Variants in FBXO47 observed in about 807,000 individuals in gnomAD.
FBXO47 encodes F-box only protein 47.
FBXO47 carries 34 observed loss-of-function variants against 53.9 expected under a neutral mutation model. The ratio of observed to expected loss-of-function variants is 0.63; its 90% CI spans 0.48 to 0.84. The LOEUF (loss-of-function observed/expected upper bound fraction) is 0.84, where lower values mean the gene tolerates loss of function less well. Ranked by LOEUF, FBXO47 falls within the 40% of genes least tolerant of loss-of-function variation. FBXO47 has a pLI of 0.00. For missense variants in FBXO47, 485 were observed against 541.3 expected (o/e 0.90, Z 1.03); for synonymous variants, 165 against 181.6 (o/e 0.91, Z 0.73).
At chr17:38,953,732 A>G (rs984188232) in intron 5 of FBXO47, among the ~76,000 whole-genome samples, 1 of 152,226 alleles carries the variant, frequency 6.6e-6, no homozygotes, top group Non-Finnish European at 1.5e-5. Context: ...TCAGTGGACA[A>G]GGAGAGAGAC....
intron 6 of FBXO47, among the ~76,000 whole-genome samples, chr17:38,950,149 C>G (rs545655949): frequency 2.0e-5 from 3 of 152,140 alleles, no homozygotes; most frequent in Admixed American, 2.0e-4. Flanking sequence ...AACACAAACT[C>G]TGTAACCATT....
chr17:38,965,882 CAA>C (rs35075482), intron 1 of FBXO47, among the ~76,000 whole-genome samples: 9 of 99,566 alleles, frequency 9.0e-5, no homozygotes, highest in Admixed American at 1.1e-4. Context: ...GAATCTGCCT[CAA>C]AAAAAAAAAA....
Position 38,961,864 on chromosome 17 carries a change from T to C in FBXO47, c.352+13A>G, listed in dbSNP as rs1905827714. On this transcript the variant is annotated intron_variant, in intron 3 of 10. Coordinates refer to ENST00000378079, the MANE Select transcript of FBXO47 (RefSeq NM_001008777.3). ...AGTTCTTTACTTGTTGCAATTCTCA[T>C]TACATAAGTTACCTAGAGATCTGTA... 1 of 1,604,220 alleles carries C rather than the reference T, an allele frequency of 6.2e-7. No individual in the cohort carries two copies. Among genetic ancestry groups the C allele is most frequent in the Non-Finnish European group, 8.5e-7 (1 of 1,176,658 alleles).
chr17:38,951,453 C>G (rs1905277826), intron 6 of FBXO47, 128 bp downstream of exon 6: 1 of 638,944 alleles, frequency 1.6e-6, no homozygotes, highest in South Asian at 2.2e-5. Context: ...CTTGGCTTCC[C>G]AAAGTGCTGG....
intron 1 of FBXO47, among the ~76,000 whole-genome samples, chr17:38,963,357 A>G: frequency 6.6e-6 from 1 of 151,972 alleles, no homozygotes; most frequent in East Asian, 1.9e-4. Context: ...TTGTATTTTT[A>G]GTAGAGACGG....
chr17:38,936,700 T>A lies in FBXO47; in HGVS notation c.*475A>T, dbSNP rs1915589469. 6.6e-6 allele frequency: 1 copy of A among 152,372 alleles called. No individual in the cohort carries two copies. The highest frequency in any genetic ancestry group is 2.4e-5 in the African/African-American group (1 of 41,446). The allele number at this position is 152,372 out of a possible 1,614,324, so 9.4% of individuals were successfully genotyped here. ...TTGTAAGCATATGCCAAGAAGGTAG[T>A]AAAAACTGTGATTTGTATTCTACAC... On this transcript the variant is annotated 3_prime_UTR_variant, in exon 11 of 11. Transcript: ENST00000378079.
intron 3 of FBXO47, among the ~76,000 whole-genome samples, chr17:38,958,471 A>C (rs1446552212): frequency 1.6e-5 from 2 of 128,892 alleles, no homozygotes; most frequent in African/African-American, 5.8e-5. Context: ...TACTTTAAAA[A>C]GAAAAAAAAA....
intron 3 of FBXO47, 33 bp from the exon 4 acceptor site, chr17:38,957,286 C>A: frequency 1.4e-6 from 2 of 1,416,572 alleles, no homozygotes; most frequent in Non-Finnish European, 2.0e-6. Context: ...GAAAAAATGA[C>A]AACAATACAA....
At chr17:38,962,521 G>C (rs1434296583) in intron 2 of FBXO47, among the ~76,000 whole-genome samples, 1 of 151,708 alleles carries the variant, frequency 6.6e-6, no homozygotes, top group Non-Finnish European at 1.5e-5. Context: ...CAGGAGAATA[G>C]CTTGAACCCG....
intron 6 of FBXO47, among the ~76,000 whole-genome samples, chr17:38,945,462 C>T (rs1259479556): frequency 6.6e-6 from 1 of 152,066 alleles, no homozygotes; most frequent in Non-Finnish European, 1.5e-5. Flanking sequence ...AGACATATAT[C>T]ATTAATATAC....
At position 38,957,209 on chromosome 17, in the gene FBXO47, T is replaced by C. The variant is rs142016504; in HGVS notation, c.397A>G (p.Arg133Gly). ...AGTATCTTGTGAATGTATTTTAGCCTTTCCTTGGTGGGTAGCAGCAATGTG... is the reference window on the plus strand; with the variant it reads ...AGTATCTTGTGAATGTATTTTAGCCCTTCCTTGGTGGGTAGCAGCAATGTG... The part of the protein sequence containing the change: ...RCTLLLPTKE[R>G]LKYIHKILTE... Residue 133 changes from arginine to glycine, a missense_variant, in exon 4 of 11, where the codon AGG becomes GGG. Coordinates refer to ENST00000378079, the MANE Select transcript of FBXO47 (RefSeq NM_001008777.3). The C allele has an allele frequency of 1.2e-6, 2 of 1,611,756 alleles. No individual in the cohort carries two copies. Among genetic ancestry groups the C allele is most frequent in the Non-Finnish European group, 1.7e-6 (2 of 1,178,294 alleles).
chr17:38,966,233 G>C (rs145541432), intron 1 of FBXO47, among the ~76,000 whole-genome samples: 1 of 151,846 alleles, frequency 6.6e-6, no homozygotes, highest in Admixed American at 6.6e-5. Flanking sequence ...ATGGAGTTTC[G>C]CACAGTCTCC....
rs1414399613 is a variant in FBXO47, at chr17:38,951,561, T to A, written c.616+20A>T. The A allele has an allele frequency of 6.6e-7, 1 of 1,520,196 alleles. No individual in the cohort carries two copies. The highest frequency in any genetic ancestry group is 1.4e-5 in the African/African-American group (1 of 72,526). The allele number at this position is 1,520,196 out of a possible 1,614,324, so 94.2% of individuals were successfully genotyped here. On this transcript the variant is annotated intron_variant, in intron 6 of 10. Coordinates refer to ENST00000378079, the MANE Select transcript of FBXO47 (RefSeq NM_001008777.3). ...TCTATTTTAATCTCTGTATATTATA[T>A]GCAAATTATAGTTTTTTACCTGGTT...
intron 3 of FBXO47, among the ~76,000 whole-genome samples, chr17:38,958,013 T>C (rs945149650): frequency 6.6e-6 from 1 of 152,160 alleles, no homozygotes; most frequent in African/African-American, 2.4e-5. Context: ...TATGTATTTT[T>C]AGTGACGAGG....
chr17:38,955,674 G>C (rs534430184), intron 4 of FBXO47, among the ~76,000 whole-genome samples: 2 of 151,348 alleles, frequency 1.3e-5, no homozygotes, highest in East Asian at 3.9e-4. Flanking sequence ...ACCTTTTGCC[G>C]GTTTAGTAGA....
intron 7 of FBXO47, among the ~76,000 whole-genome samples, chr17:38,944,548 A>C (rs1414407347): frequency 6.6e-6 from 1 of 151,468 alleles, no homozygotes; most frequent in Non-Finnish European, 1.5e-5. Context: ...TAAAAATACA[A>C]AAAATTAGCC....
chr17:38,953,005 A>G (rs990666682), intron 5 of FBXO47, among the ~76,000 whole-genome samples: 7 of 151,608 alleles, frequency 4.6e-5, no homozygotes, highest in Non-Finnish European at 5.9e-5. Context: ...GGCTGGGCAC[A>G]GCAGCTCATG....
At chr17:38,956,651 G>C (rs1426571355) in intron 4 of FBXO47, among the ~76,000 whole-genome samples, 1 of 151,136 alleles carries the variant, frequency 6.6e-6, no homozygotes, top group Non-Finnish European at 1.5e-5. Context: ...ACTGAGTGTA[G>C]AACTGAACCA....
At chr17:38,963,291 C>T (rs957363306) in intron 1 of FBXO47, among the ~76,000 whole-genome samples, 1 of 151,974 alleles carries the variant, frequency 6.6e-6, no homozygotes, top group African/African-American at 2.4e-5. Flanking sequence ...GGTTCTTCTG[C>T]CTCAGCCTCC....
Sources: allele counts gnomAD v4.1 joint callset (sites outside exome capture counted in the v4.1 genomes callset), GRCh38; gene constraint gnomAD v4.1.1; transcripts MANE v1.5; gene names NCBI Gene and HGNC (gene_info 2026-07-23, HGNC 2026-07-21).